SRBD1: variants seen among roughly 807,000 people sequenced by gnomAD.
SRBD1 encodes S1 RNA binding domain 1.
In SRBD1, 88 loss-of-function variants were observed where a neutral mutation model predicts 115.3. That is an observed-to-expected ratio of 0.76 (90% confidence interval 0.64 to 0.91). SRBD1 has a LOEUF of 0.91. Ranked by LOEUF, SRBD1 falls within the 40% of genes least tolerant of loss-of-function variation. The pLI is 0.00. For synonymous variants in SRBD1, 509 were observed against 407.7 expected (o/e 1.25, Z -2.99); for missense variants, 1,385 against 1,177.4 (o/e 1.18, Z -2.58).
At chr2:45,434,587 A>G (rs1464330600) in intron 16 of SRBD1, among the ~76,000 whole-genome samples, 1 of 152,164 alleles carries the variant, frequency 6.6e-6, no homozygotes, top group Non-Finnish European at 1.5e-5. Flanking sequence ...CAGATTTCCT[A>G]TACAATCAAT....
chr2:45,404,709 TAAA>T (rs1396740949), intron 19 of SRBD1, among the ~76,000 whole-genome samples: 1 of 152,154 alleles, frequency 6.6e-6, no homozygotes, highest in African/African-American at 2.4e-5. Context: ...ACAGTGGACT[TAAA>T]ACAGCAGACA....
chr2:45,473,043 G>T (rs1176531527), intron 16 of SRBD1, among the ~76,000 whole-genome samples: 2 of 151,250 alleles, frequency 1.3e-5, no homozygotes, highest in Non-Finnish European at 2.9e-5. Flanking sequence ...TATTAATAGG[G>T]GAAGTTAGCC....
At chr2:45,585,901 A>T (rs905522310) in intron 4 of SRBD1, 127 bp from the exon 5 acceptor site, 2 of 670,110 alleles carry the variant, frequency 3.0e-6, no homozygotes, top group African/African-American at 4.2e-5. Flanking sequence ...TAGTTTTTTA[A>T]AAAAAAGAAA....
At chr2:45,478,171 C>A (rs1004683594) in intron 15 of SRBD1, among the ~76,000 whole-genome samples, 3 of 152,112 alleles carry the variant, frequency 2.0e-5, no homozygotes, top group Admixed American at 2.0e-4. Context: ...ATCAGTGTCA[C>A]CTTCTCATAC....
intron 7 of SRBD1, among the ~76,000 whole-genome samples, chr2:45,576,339 C>G (rs924742021): frequency 2.6e-5 from 4 of 151,542 alleles, no homozygotes; most frequent in African/African-American, 7.3e-5. Context: ...TTTATGTCAT[C>G]AGTAAGGCTT....
intron 16 of SRBD1, among the ~76,000 whole-genome samples, chr2:45,440,294 C>A (rs1393648005): frequency 2.0e-5 from 3 of 152,236 alleles, no homozygotes; most frequent in South Asian, 2.1e-4. Flanking sequence ...TTAATGCAGA[C>A]AAACTTTCAT....
intron 4 of SRBD1, among the ~76,000 whole-genome samples, chr2:45,597,150 G>T (rs1342246705): frequency 3.3e-5 from 5 of 152,198 alleles, no homozygotes; most frequent in Non-Finnish European, 7.3e-5. Context: ...GCTGAGTGCG[G>T]TGGCTTACAC....
At chr2:45,389,703 T>C (rs1666945543) in intron 20 of SRBD1, 104 bp from the exon 21 acceptor site, 5 of 1,149,784 alleles carry the variant, frequency 4.3e-6, no homozygotes, top group Non-Finnish European at 6.0e-6. Flanking sequence ...CAGACCAATA[T>C]TAAAGATTAA....
At chr2:45,485,566 T>G (rs577063909) in intron 15 of SRBD1, among the ~76,000 whole-genome samples, 30 of 152,336 alleles carry the variant, frequency 2.0e-4, no homozygotes, top group African/African-American at 7.0e-4. Context: ...AGAGGCCATG[T>G]ACCATGCATT....
intron 4 of SRBD1, among the ~76,000 whole-genome samples, chr2:45,587,930 A>G (rs2104208351): frequency 6.6e-6 from 1 of 152,280 alleles, no homozygotes; most frequent in Admixed American, 6.5e-5. Flanking sequence ...TGCTATTCAA[A>G]TGGCAATTCA....
chr2:45,605,891 G>A (rs1446236059), intron 1 of SRBD1, among the ~76,000 whole-genome samples: 2 of 144,674 alleles, frequency 1.4e-5, no homozygotes, highest in Non-Finnish European at 3.0e-5. Context: ...GCAACAGAGT[G>A]AGACTCGGTC....
chr2:45,593,447 T>C (rs751029945), intron 4 of SRBD1, among the ~76,000 whole-genome samples: 50 of 152,156 alleles, frequency 3.3e-4, no homozygotes, highest in Non-Finnish European at 4.4e-4. Flanking sequence ...GGTCTCAGGA[T>C]AATGAGTCTC....
chr2:45,414,704 T>C (rs543601820), intron 18 of SRBD1, among the ~76,000 whole-genome samples: 2 of 145,886 alleles, frequency 1.4e-5, no homozygotes, highest in East Asian at 2.0e-4. Context: ...ACATAGTGTG[T>C]ATATAGTATG....
In SRBD1 at chr2:45,395,363, T is replaced by A. The variant is rs1237393587; in HGVS notation, c.2514-2234A>T. Among the ~76,000 whole-genome samples the A allele has an allele frequency of 3.3e-5, 5 of 152,158 alleles. No homozygotes were observed. In the East Asian group the frequency reaches 9.6e-4, roughly 29 times the overall value. On this transcript the variant is annotated intron_variant, in intron 19 of 20. Coordinates refer to ENST00000263736, the MANE Select transcript of SRBD1 (RefSeq NM_018079.5). ...TATCTTAAGGTTGCTTGCACATGTG[T>A]ATGTGTGTGTGTGAGACAGAGAGAG... is the stretch of plus-strand genomic sequence containing the variant.
At position 45,553,806 on chromosome 2, in the gene SRBD1, G is replaced by C. The variant is rs1193358618; in HGVS notation, c.1410-76C>G. ...CATAAAAAGGCTCCCAAAAAGAAGG[G>C]AGATGGAATACAGAAGCGGGGAAAA... On this transcript the variant is annotated intron_variant, in intron 10 of 20. Coordinates refer to ENST00000263736, the MANE Select transcript of SRBD1 (RefSeq NM_018079.5). 16 of 893,404 alleles carry C rather than the reference G, an allele frequency of 1.8e-5. No individual in the cohort carries two copies. The South Asian group carries it at 2.9e-4, about 16-fold the overall frequency. 55.3% of individuals were successfully genotyped at this position (893,404 alleles called of 1,614,324 possible).
chr2:45,593,457 C>T (rs181826356), intron 4 of SRBD1, among the ~76,000 whole-genome samples: 2 of 152,262 alleles, frequency 1.3e-5, no homozygotes, highest in East Asian at 3.9e-4. Flanking sequence ...TAATGAGTCT[C>T]ATGAGATCTG....
chr2:45,512,263 T>A (rs1407818997), intron 14 of SRBD1, among the ~76,000 whole-genome samples: 2 of 152,182 alleles, frequency 1.3e-5, no homozygotes, highest in African/African-American at 4.8e-5. Context: ...CTCCAAGTGT[T>A]TTACCTATAG....
At chr2:45,573,062 G>C in intron 9 of SRBD1, 145 bp downstream of exon 9, 1 of 919,108 alleles carries the variant, frequency 1.1e-6, no homozygotes, top group Non-Finnish European at 1.5e-6. Flanking sequence ...AAGCGGCAAG[G>C]ATATGACAAT....
At chr2:45,497,229 T>A (rs1670487291) in intron 14 of SRBD1, among the ~76,000 whole-genome samples, 1 of 152,194 alleles carries the variant, frequency 6.6e-6, no homozygotes, top group Non-Finnish European at 1.5e-5. Context: ...TACTAACATG[T>A]GGTACACAAA....
Sources: gnomAD v4.1 joint callset for allele counts (sites outside exome capture counted in the v4.1 genomes callset) on GRCh38, gnomAD v4.1.1 for gene constraint, MANE v1.5 for transcripts, NCBI Gene and HGNC (gene_info 2026-07-23, HGNC 2026-07-21) for gene names.